The following FBXO28 variants were observed in gnomAD, a reference collection of about 807,000 sequenced individuals.
FBXO28 encodes F-box only protein 28.
FBXO28 carries 8 observed loss-of-function variants against 38.1 expected under a neutral mutation model. The observed-to-expected ratio is 0.21, with a 90% confidence interval of 0.12 to 0.38. FBXO28 has a LOEUF of 0.38. FBXO28 is among the 10% of genes least tolerant of loss of function. The pLI, the probability that FBXO28 is intolerant of heterozygous loss-of-function variation, is 1.00. For missense variants in FBXO28, 345 were observed against 460.6 expected, an observed-to-expected ratio of 0.75 and a Z score of 2.30; for synonymous variants, 168 against 173.8, an observed-to-expected ratio of 0.97 and a Z score of 0.26.
intron 1 of FBXO28, among the ~76,000 whole-genome samples, chr1:224,119,137 T>TTTTC (rs767489041): frequency 1.7e-5 from 2 of 119,276 alleles, no homozygotes; most frequent in Admixed American, 8.2e-5. Flanking sequence ...TTTTTTTTCT[T>TTTTC]TTTTTTTTTT....
chr1:224,142,036 C>T (rs914064618), intron 3 of FBXO28, among the ~76,000 whole-genome samples: 1 of 119,464 alleles, frequency 8.4e-6, no homozygotes, highest in African/African-American at 2.9e-5. Flanking sequence ...ACTCTACAGG[C>T]ACATTAAATT....
In FBXO28 at chr1:224,114,115, A is replaced by T. The variant is rs1267523855; in HGVS notation, c.-15A>T. On this transcript the variant is annotated 5_prime_UTR_variant, in exon 1 of 5. Coordinates refer to ENST00000366862, the MANE Select transcript of FBXO28 (RefSeq NM_015176.4). ...TGTTCCCCTTGCTGTGGGGGTAAGG[A>T]ATCAAGCCCCCAAGATGGCGGCAGC... 1 of 1,529,824 alleles carries T rather than the reference A, an allele frequency of 6.5e-7. No individual in the cohort carries two copies. Among genetic ancestry groups the T allele is most frequent in the East Asian group, 2.5e-5 (1 of 40,530 alleles). 94.8% of individuals were successfully genotyped at this position (1,529,824 alleles called of 1,614,324 possible).
intron 3 of FBXO28, 22 bp from the exon 4 acceptor site, chr1:224,153,120 T>C: frequency 6.4e-7 from 1 of 1,569,304 alleles, no homozygotes; most frequent in Non-Finnish European, 8.6e-7. Flanking sequence ...TCTAAAGTGC[T>C]AATGAGAATT....
chr1:224,127,210 T>TGTGTGTGTG (rs1558188492), intron 1 of FBXO28, among the ~76,000 whole-genome samples: 1 of 138,660 alleles, frequency 7.2e-6, no homozygotes. Context: ...GTGTGTGTGT[T>TGTGTGTGTG]TATGTTTGGC....
chr1:224,130,695 C>A, intron 2 of FBXO28, 114 bp downstream of exon 2: 1 of 619,178 alleles, frequency 1.6e-6, no homozygotes, highest in Non-Finnish European at 2.9e-6. Context: ...TAGCAAAGGG[C>A]ACAAAGATCA....
intron 3 of FBXO28, among the ~76,000 whole-genome samples, chr1:224,139,501 T>C (rs1167374707): frequency 6.6e-6 from 1 of 151,792 alleles, no homozygotes; most frequent in East Asian, 1.9e-4. Context: ...CCCAGCACTT[T>C]GGGAGGCCAA....
At chr1:224,149,823 T>C (rs987372609) in intron 3 of FBXO28, among the ~76,000 whole-genome samples, 1 of 152,200 alleles carries the variant, frequency 6.6e-6, no homozygotes, top group Non-Finnish European at 1.5e-5. Flanking sequence ...CAGAAAAGAC[T>C]TCTGAGAAAG....
At chr1:224,149,274 C>CTT (rs33992744) in intron 3 of FBXO28, among the ~76,000 whole-genome samples, 1 of 129,994 alleles carries the variant, frequency 7.7e-6, no homozygotes, top group African/African-American at 2.8e-5. Flanking sequence ...ACCATATAAT[C>CTT]TTTTTTTTTT....
chr1:224,117,470 A>G (rs1457883968), intron 1 of FBXO28, among the ~76,000 whole-genome samples: 1 of 151,978 alleles, frequency 6.6e-6, no homozygotes, highest in Non-Finnish European at 1.5e-5. Context: ...TTGGCCATTG[A>G]CTATTGATCA....
At chr1:224,119,131 TTTTC>T (rs1281528656) in intron 1 of FBXO28, among the ~76,000 whole-genome samples, 1 of 63,524 alleles carries the variant, frequency 1.6e-5, no homozygotes, top group African/African-American at 6.4e-5. Context: ...TTTTTCTTTT[TTTTC>T]TTTTTTTTTT....
At chr1:224,146,723 T>TTTG (rs1330988636) in intron 3 of FBXO28, among the ~76,000 whole-genome samples, 3 of 144,634 alleles carry the variant, frequency 2.1e-5, no homozygotes, top group African/African-American at 7.7e-5. Flanking sequence ...TTTTTTTTTT[T>TTTG]GGGAGACTGA....
intron 4 of FBXO28, among the ~76,000 whole-genome samples, chr1:224,155,208 C>G: frequency 6.6e-6 from 1 of 151,716 alleles, no homozygotes; most frequent in African/African-American, 2.4e-5. Flanking sequence ...CTCTGTCGCC[C>G]AGGCTGGAGT....
At chr1:224,123,166 A>G (rs566376551) in intron 1 of FBXO28, among the ~76,000 whole-genome samples, 1 of 152,272 alleles carries the variant, frequency 6.6e-6, no homozygotes, top group African/African-American at 2.4e-5. Context: ...GTGATCATTT[A>G]AGAACTGTAG....
At chr1:224,137,237 A>T (rs1035767621) in intron 3 of FBXO28, among the ~76,000 whole-genome samples, 2 of 151,482 alleles carry the variant, frequency 1.3e-5, no homozygotes, top group African/African-American at 4.9e-5. Flanking sequence ...TTAAAGTAAT[A>T]GTTGGGACTG....
intron 2 of FBXO28, 140 bp from the exon 3 acceptor site, chr1:224,133,934 C>T (rs1271384054): frequency 3.8e-6 from 2 of 528,246 alleles, no homozygotes; most frequent in South Asian, 4.5e-5. Flanking sequence ...TTCATCATTA[C>T]AGTTAAATTA....
chr1:224,134,455 T>C (rs1657128945), intron 3 of FBXO28: 2 of 298,988 alleles, frequency 6.7e-6, no homozygotes, highest in Non-Finnish European at 1.2e-5. Flanking sequence ...TAAGAGTTCA[T>C]ACTCAAGAAT....
At chr1:224,145,293 CAAAAA>C (rs3035404) in intron 3 of FBXO28, among the ~76,000 whole-genome samples, 10 of 73,566 alleles carry the variant, frequency 1.4e-4, no homozygotes, top group African/African-American at 3.5e-4. Flanking sequence ...GACTACATCT[CAAAAA>C]AAAAAAAAAA....
Position 224,158,294 on chromosome 1 carries a change from A to G in FBXO28, c.*548A>G. On this transcript the variant is annotated 3_prime_UTR_variant, in exon 5 of 5. Coordinates refer to ENST00000366862, the MANE Select transcript of FBXO28 (RefSeq NM_015176.4). ...AATGGACTTCCATAGTATTGACTGTAGAAGGAGCCTCTACAATATTGACTA... is the reference window on the plus strand; with the variant it reads ...AATGGACTTCCATAGTATTGACTGTGGAAGGAGCCTCTACAATATTGACTA... The G allele has an allele frequency of 2.4e-6, 2 of 835,320 alleles. No individual in the cohort carries two copies. Among genetic ancestry groups the G allele is most frequent in the Non-Finnish European group, 1.4e-6 (1 of 692,998 alleles). 51.7% of individuals were successfully genotyped at this position (835,320 alleles called of 1,614,324 possible). A position where few individuals can be genotyped will look rare whatever the true frequency, so the allele number is the denominator to read the frequency against.
At chr1:224,143,547 G>A (rs771092057) in intron 3 of FBXO28, among the ~76,000 whole-genome samples, 3 of 152,172 alleles carry the variant, frequency 2.0e-5, no homozygotes, top group South Asian at 2.1e-4. Context: ...TGAATAGGAC[G>A]GGTGTGGTGG....
Sources: allele counts gnomAD v4.1 joint callset (sites outside exome capture counted in the v4.1 genomes callset), GRCh38; gene constraint gnomAD v4.1.1; transcripts MANE v1.5; gene names NCBI Gene and HGNC (gene_info 2026-07-23, HGNC 2026-07-21).